Variants in PIK3R3 observed in about 807,000 individuals in gnomAD.
The protein encoded by PIK3R3 is phosphatidylinositol 3-kinase regulatory subunit gamma.
A neutral mutation model predicts 62.9 loss-of-function variants in PIK3R3; 64 were observed. The ratio of observed to expected loss-of-function variants is 1.02; its 90% CI spans 0.83 to 1.25. The LOEUF (loss-of-function observed/expected upper bound fraction) is 1.25, where lower values mean the gene tolerates loss of function less well. Among genes scored for constraint, PIK3R3 ranks in the 50% most tolerant of loss-of-function variants. The pLI is 0.00. For missense variants in PIK3R3, 614 were observed against 561.6 expected, an observed-to-expected ratio of 1.09 and a Z score of -0.94; for synonymous variants, 165 against 189.0, an observed-to-expected ratio of 0.87 and a Z score of 1.04.
At chr1:46,123,367 A>C (rs1654842098) in intron 1 of PIK3R3, among the ~76,000 whole-genome samples, 1 of 152,198 alleles carries the variant, frequency 6.6e-6, no homozygotes, top group South Asian at 2.1e-4. Flanking sequence ...AGGAATGAGC[A>C]ATCAGGGTAT....
the PIK3R3 span, among the ~76,000 whole-genome samples, chr1:46,150,236 C>T: frequency 3.9e-5 from 6 of 152,190 alleles, no homozygotes; most frequent in South Asian, 2.1e-4. Context: ...CCTTCTCTGA[C>T]GCTCATTGCT....
intron 1 of PIK3R3, among the ~76,000 whole-genome samples, chr1:46,107,638 T>C (rs1653345416): frequency 6.6e-6 from 1 of 152,162 alleles, no homozygotes; most frequent in African/African-American, 2.4e-5. Context: ...CCATCCTACC[T>C]ATCCTTCACA....
chr1:46,087,830 T>C (rs1157130615), intron 1 of PIK3R3, among the ~76,000 whole-genome samples: 1 of 152,180 alleles, frequency 6.6e-6, no homozygotes, highest in Non-Finnish European at 1.5e-5. Flanking sequence ...ATTGAAAATA[T>C]TATGCTAAGT....
intron 1 of PIK3R3, among the ~76,000 whole-genome samples, chr1:46,131,437 T>C (rs1442726848): frequency 6.6e-6 from 1 of 152,282 alleles, no homozygotes; most frequent in East Asian, 1.9e-4. Flanking sequence ...CTTTCAAGAA[T>C]TCGCCCAAAG....
intron 1 of PIK3R3, among the ~76,000 whole-genome samples, chr1:46,130,200 GCAGTATA>G (rs1452889200): frequency 6.6e-6 from 1 of 152,096 alleles, no homozygotes; most frequent in African/African-American, 2.4e-5. Flanking sequence ...ACTATATAAT[GCAGTATA>G]ATTCTAAGGC....
intron 1 of PIK3R3, among the ~76,000 whole-genome samples, chr1:46,082,184 C>A (rs1218516625): frequency 1.3e-5 from 2 of 152,058 alleles, no homozygotes; most frequent in African/African-American, 4.8e-5. Flanking sequence ...AAACTGTGGG[C>A]CCCAATACAA....
At chr1:46,124,243 A>C (rs1327329227) in intron 1 of PIK3R3, among the ~76,000 whole-genome samples, 1 of 152,198 alleles carries the variant, frequency 6.6e-6, no homozygotes, top group African/African-American at 2.4e-5. Flanking sequence ...CTACAAAGGT[A>C]AGAGTTCAAT....
upstream of PIK3R3, among the ~76,000 whole-genome samples, chr1:46,137,794 C>G (rs1448578098): frequency 6.6e-6 from 1 of 152,220 alleles, no homozygotes; most frequent in Non-Finnish European, 1.5e-5. Context: ...AGTGAATATT[C>G]TTCGAGCGAA....
At chr1:46,045,371 A>G (rs1208508152) in intron 9 of PIK3R3, among the ~76,000 whole-genome samples, 2 of 152,178 alleles carry the variant, frequency 1.3e-5, no homozygotes, top group Non-Finnish European at 1.5e-5. Flanking sequence ...ACTGAAGCAC[A>G]GTTAGTTATC....
At position 46,132,615 on chromosome 1, in the gene PIK3R3, C is replaced by T. The variant is rs1192240895; in HGVS notation, c.-663G>A. On this transcript the variant is annotated 5_prime_UTR_variant, in exon 1 of 10. Coordinates refer to ENST00000262741, the MANE Select transcript of PIK3R3 (RefSeq NM_003629.4). Reference sequence around the variant, plus strand: ...GAACCAACCCGACCGCACCAACTGCCCTCAAGCTCTGCCCGGACTCCAGCC... The same window carrying T: ...GAACCAACCCGACCGCACCAACTGCTCTCAAGCTCTGCCCGGACTCCAGCC... 7.8e-7 allele frequency: 1 copy of T among 1,289,516 alleles called. No homozygotes were observed. The highest frequency in any genetic ancestry group is 1.0e-6 in the Non-Finnish European group (1 of 988,768). The allele number at this position is 1,289,516 out of a possible 1,614,324, so 79.9% of individuals were successfully genotyped here.
intron 2 of PIK3R3, among the ~76,000 whole-genome samples, chr1:46,080,054 TTTTTC>T (rs1483498066): frequency 6.6e-6 from 1 of 151,378 alleles, no homozygotes; most frequent in Non-Finnish European, 1.5e-5. Flanking sequence ...TTAAGTGAGC[TTTTTC>T]TTTTCTTTTT....
chr1:46,054,542 A>G (rs1647692382), intron 7 of PIK3R3, among the ~76,000 whole-genome samples: 1 of 152,126 alleles, frequency 6.6e-6, no homozygotes. Flanking sequence ...ACCCAGATTC[A>G]GAGGTCTCTG....
chr1:46,116,625 G>A (rs1654210554), intron 1 of PIK3R3, among the ~76,000 whole-genome samples: 1 of 150,998 alleles, frequency 6.6e-6, no homozygotes, highest in South Asian at 2.1e-4. Context: ...TCACACCACT[G>A]CACTCCAGCC....
intron 1 of PIK3R3, among the ~76,000 whole-genome samples, chr1:46,099,273 T>C (rs1178511638): frequency 6.6e-6 from 1 of 152,194 alleles, no homozygotes; most frequent in East Asian, 1.9e-4. Flanking sequence ...CAAAGATCAA[T>C]CAGAGAGAAT....
chr1:46,156,395 G>T, the PIK3R3 span, among the ~76,000 whole-genome samples: 3 of 150,244 alleles, frequency 2.0e-5, no homozygotes, highest in Non-Finnish European at 2.9e-5. Context: ...GGAGACGGAG[G>T]TTCCAGTGAG....
At chr1:46,172,786 A>T in the PIK3R3 span, among the ~76,000 whole-genome samples, 235 of 152,264 alleles carry the variant, frequency 1.5e-3, 1 homozygote, top group Non-Finnish European at 1.2e-4. Flanking sequence ...TTAGGCCAGG[A>T]GTTCAAGACC....
At position 46,128,415 on chromosome 1, in the gene PIK3R3, C is replaced by T. The variant is rs148583978; in HGVS notation, c.106+3432G>A. Among the ~76,000 whole-genome samples, 60 of 151,952 alleles carry T rather than the reference C, an allele frequency of 3.9e-4. No individual in the cohort carries two copies. The East Asian group carries it at 9.1e-3, about 23-fold the overall frequency. On this transcript the variant is annotated intron_variant, in intron 1 of 9. Coordinates refer to ENST00000262741, the MANE Select transcript of PIK3R3 (RefSeq NM_003629.4). ...TAGAGCCACTGCACTCCAGACTGGG[C>T]GACACAGCGAGACTCTGTCTTGAAA...
intron 1 of PIK3R3, among the ~76,000 whole-genome samples, chr1:46,090,831 C>T (rs1651560097): frequency 6.6e-6 from 1 of 152,106 alleles, no homozygotes; most frequent in African/African-American, 2.4e-5. Flanking sequence ...TTTGGTATGT[C>T]AGTCACACTA....
chr1:46,162,152 A>C, the PIK3R3 span, among the ~76,000 whole-genome samples: 8 of 151,476 alleles, frequency 5.3e-5, 1 homozygote, highest in South Asian at 1.5e-3. Flanking sequence ...AATTAGAAAC[A>C]ATTTATACGT....
Sources: gnomAD v4.1 joint callset for allele counts (sites outside exome capture counted in the v4.1 genomes callset) on GRCh38, gnomAD v4.1.1 for gene constraint, MANE v1.5 for transcripts, NCBI Gene and HGNC (gene_info 2026-07-23, HGNC 2026-07-21) for gene names.